The following EPSTI1 variants were observed in gnomAD, a reference collection of about 807,000 sequenced individuals.
The protein encoded by EPSTI1 is epithelial stromal interaction 1.
In EPSTI1, 66 loss-of-function variants were observed where a neutral mutation model predicts 49.9. The observed-to-expected ratio is 1.32, with a 90% CI of 1.08 to 1.62. The LOEUF is 1.62. Ranked by LOEUF, EPSTI1 falls within the 40% of genes most tolerant of loss-of-function variation. The probability of loss-of-function intolerance (pLI) is 0.00; values close to 1 mark genes in which losing one functional copy is unlikely to be tolerated. For missense variants in EPSTI1, 394 were observed against 365.5 expected, an observed-to-expected ratio of 1.08 and a Z score of -0.64; for synonymous variants, 137 against 130.7, an observed-to-expected ratio of 1.05 and a Z score of -0.33.
chr13:42,973,112 T>C (rs1012592686), intron 1 of EPSTI1, among the ~76,000 whole-genome samples: 2 of 152,230 alleles, frequency 1.3e-5, no homozygotes, highest in African/African-American at 2.4e-5. Flanking sequence ...GAGTCTCTCT[T>C]ACGGAAATTT....
rs141236332 is a variant in EPSTI1, at chr13:42,948,394, G to T, written c.563+5554C>A. On this transcript the variant is annotated intron_variant, in intron 6 of 10. Transcript: ENST00000313624. Reference sequence around the variant, plus strand: ...GTGGCCATGCTTCACTTCTCACCAAGCTCTCTGCAGGAACTCCAGAGTGGC... The same window carrying T: ...GTGGCCATGCTTCACTTCTCACCAATCTCTCTGCAGGAACTCCAGAGTGGC... 3.9e-3 allele frequency among the ~76,000 whole-genome samples: 586 copies of T among 150,828 alleles called. 5 individuals carry two copies. The highest frequency in any genetic ancestry group is 0.013 in the African/African-American group (552 of 40,998).
At chr13:42,901,918 TC>T (rs745456577) in intron 8 of EPSTI1, among the ~76,000 whole-genome samples, 63 of 142,602 alleles carry the variant, frequency 4.4e-4, no homozygotes, top group African/African-American at 1.4e-3. Flanking sequence ...CCTCCCCCCT[TC>T]CCCCCACCCC....
intron 6 of EPSTI1, among the ~76,000 whole-genome samples, chr13:42,930,618 A>G (rs1361500312): frequency 6.6e-6 from 1 of 151,518 alleles, no homozygotes; most frequent in Non-Finnish European, 1.5e-5. Context: ...TATTGCATAC[A>G]CTTTACAGAA....
At chr13:42,941,361 C>G (rs1484347116) in intron 6 of EPSTI1, among the ~76,000 whole-genome samples, 1 of 152,068 alleles carries the variant, frequency 6.6e-6, no homozygotes, top group Non-Finnish European at 1.5e-5. Context: ...GTTTGTTATT[C>G]CAACCAGCTT....
At chr13:42,938,914 CA>C (rs57079104) in intron 6 of EPSTI1, among the ~76,000 whole-genome samples, 1,608 of 59,646 alleles carry the variant, frequency 0.027, 89 homozygotes, top group Admixed American at 0.032. Context: ...GACTCTGTCT[CA>C]AAAAAAAAAA....
rs2039305210 is a variant in EPSTI1, at chr13:42,957,422, C to A, written c.490-3401G>T. ...GAATTTTTCATCTAAGGAGAGGGGG[C>A]CTAGGCCCAGCAGTATCAGAGGAGA... On this transcript the variant is annotated intron_variant, in intron 5 of 10. Transcript: ENST00000313624. 3.3e-5 allele frequency among the ~76,000 whole-genome samples: 5 copies of A among 152,102 alleles called. No homozygotes were observed. In the South Asian group the frequency reaches 1.0e-3, roughly 31 times the overall value.
Position 42,926,379 on chromosome 13 carries a change from C to T in EPSTI1, c.614G>A (p.Ser205Asn). ...SKLNTESPDRSACQSAVCGPQ... is the reference protein window; with the variant it reads ...SKLNTESPDRNACQSAVCGPQ... ...GCCACAAACAGCACTTTGACAGGCA[C>T]TTCTGTCTGGCGATTCTGTGTTCAG... Residue 205 changes from serine to asparagine, a missense_variant, in exon 7 of 11, where the codon AGT becomes AAT. Physicochemically the swap from Ser to Asn is conservative, Grantham distance 46. Coordinates refer to ENST00000313624, the MANE Select transcript of EPSTI1 (RefSeq NM_033255.5). The T allele has an allele frequency of 1.9e-6, 3 of 1,613,844 alleles. No individual in the cohort carries two copies. The highest frequency in any genetic ancestry group is 1.7e-6 in the Non-Finnish European group (2 of 1,179,700).
chr13:42,964,262 C>A (rs1026362947), intron 3 of EPSTI1, 123 bp from the exon 4 acceptor site: 54 of 645,206 alleles, frequency 8.4e-5, no homozygotes, highest in Non-Finnish European at 1.3e-4. Flanking sequence ...CATGCTCTTG[C>A]AAATAAGAAC....
At chr13:42,904,755 G>A (rs970209399) in intron 8 of EPSTI1, among the ~76,000 whole-genome samples, 3 of 152,184 alleles carry the variant, frequency 2.0e-5, no homozygotes, top group African/African-American at 7.2e-5. Flanking sequence ...GATACATTAA[G>A]TGATAAAAGA....
chr13:42,984,405 T>C (rs1314553323), intron 1 of EPSTI1, among the ~76,000 whole-genome samples: 1 of 152,244 alleles, frequency 6.6e-6, no homozygotes, highest in Admixed American at 6.5e-5. Context: ...TAATATGCTC[T>C]AATAAGTTTG....
At chr13:42,901,234 A>G (rs2037342977) in intron 8 of EPSTI1, among the ~76,000 whole-genome samples, 1 of 152,204 alleles carries the variant, frequency 6.6e-6, no homozygotes, top group African/African-American at 2.4e-5. Context: ...ACGTCTTAAC[A>G]CATACCAATA....
intron 6 of EPSTI1, among the ~76,000 whole-genome samples, chr13:42,946,083 A>C (rs905241038): frequency 2.0e-5 from 3 of 152,158 alleles, no homozygotes; most frequent in Non-Finnish European, 4.4e-5. Context: ...TGTCTTTCAG[A>C]AGCTCCCATG....
Position 42,900,375 on chromosome 13 carries a change from T to C in EPSTI1, c.750A>G (p.Leu250=), listed in dbSNP as rs751951757. Reference sequence around the variant, plus strand: ...CTTGCTGCTGCCGTTTCAGTTCCAGTAATTCACTCTAGGAACAATAAAAGT... The same window carrying C: ...CTTGCTGCTGCCGTTTCAGTTCCAGCAATTCACTCTAGGAACAATAAAAGT... ...MKDEQHQKSE[L]LELKRQQQEQ... Residue 250 remains leucine, a synonymous_variant, in exon 9 of 11, where the codon TTA becomes TTG. Coordinates refer to ENST00000313624, the MANE Select transcript of EPSTI1 (RefSeq NM_033255.5). 3 of 1,613,630 alleles carry C rather than the reference T, an allele frequency of 1.9e-6. No homozygotes were observed. The South Asian group carries it at 3.3e-5, about 18-fold the overall frequency.
At chr13:42,914,688 A>G (rs544182169) in intron 8 of EPSTI1, among the ~76,000 whole-genome samples, 3 of 152,338 alleles carry the variant, frequency 2.0e-5, no homozygotes, top group South Asian at 4.1e-4. Context: ...AGAAAAGGTA[A>G]TATCTCTGAG....
chr13:42,976,961 T>C lies in EPSTI1; in HGVS notation c.189-6291A>G, dbSNP rs114247194. Among the ~76,000 whole-genome samples, 695 of 152,346 alleles carry C rather than the reference T, an allele frequency of 4.6e-3. 4 individuals are homozygous for C. Among genetic ancestry groups the C allele is most frequent in the African/African-American group, 0.015 (640 of 41,578 alleles). The stretch of plus-strand genomic sequence containing the variant: ...GTGGTTTTCCTAATTTGATTATATA[T>C]GTAACATGCTTAATTCTCAATGGCT... On this transcript the variant is annotated intron_variant, in intron 1 of 10. Transcript: ENST00000313624.
chr13:42,985,268 G>A (rs1201571834), intron 1 of EPSTI1, among the ~76,000 whole-genome samples: 1 of 152,202 alleles, frequency 6.6e-6, no homozygotes, highest in Non-Finnish European at 1.5e-5. Context: ...AGTGAGGAAA[G>A]GAGGGTGATA....
chr13:42,924,991 C>G (rs749801406), intron 7 of EPSTI1, among the ~76,000 whole-genome samples: 1 of 152,148 alleles, frequency 6.6e-6, no homozygotes, highest in Non-Finnish European at 1.5e-5. Context: ...AACTTAAATT[C>G]ATCTTTTCTT....
At chr13:42,923,648 G>A (rs554583794) in intron 7 of EPSTI1, among the ~76,000 whole-genome samples, 6 of 152,198 alleles carry the variant, frequency 3.9e-5, no homozygotes, top group East Asian at 1.9e-4. Flanking sequence ...AGCGATGGTC[G>A]CTGAGGAAGG....
chr13:42,974,817 T>C (rs868810575), intron 1 of EPSTI1, among the ~76,000 whole-genome samples: 1 of 152,214 alleles, frequency 6.6e-6, no homozygotes, highest in Non-Finnish European at 1.5e-5. Flanking sequence ...GCTAAAAGTA[T>C]TACATAACAA....
Sources: gnomAD v4.1 joint callset for allele counts (sites outside exome capture counted in the v4.1 genomes callset) on GRCh38, gnomAD v4.1.1 for gene constraint, MANE v1.5 for transcripts, NCBI Gene and HGNC (gene_info 2026-07-23, HGNC 2026-07-21) for gene names.